The following LUZP2 variants were observed in gnomAD, a reference collection of about 807,000 sequenced individuals.
The protein encoded by LUZP2 is leucine zipper protein 2.
In LUZP2, 52 loss-of-function variants were observed where a neutral mutation model predicts 51.6. The ratio of observed to expected loss-of-function variants is 1.01; its 90% CI spans 0.81 to 1.27. LUZP2 has a LOEUF of 1.27. Ranked by LOEUF, LUZP2 falls within the 50% of genes most tolerant of loss-of-function variation. LUZP2 has a pLI of 0.00. For missense variants in LUZP2, 436 were observed against 395.4 expected (o/e 1.10, Z -0.87); for synonymous variants, 154 against 137.3 (o/e 1.12, Z -0.85).
chr11:24,575,178 G>A (rs1276600046), intron 1 of LUZP2, among the ~76,000 whole-genome samples: 1 of 151,992 alleles, frequency 6.6e-6, no homozygotes, highest in Non-Finnish European at 1.5e-5. Flanking sequence ...TTAAAGGATG[G>A]CTATATTTAA....
intron 10 of LUZP2, among the ~76,000 whole-genome samples, chr11:25,054,488 G>A (rs1318004618): frequency 6.6e-6 from 1 of 151,886 alleles, no homozygotes; most frequent in Non-Finnish European, 1.5e-5. Flanking sequence ...AATTTTTTGT[G>A]TGTGTCTGTG....
intron 9 of LUZP2, among the ~76,000 whole-genome samples, chr11:25,018,183 T>C (rs539199332): frequency 1.3e-5 from 2 of 152,276 alleles, no homozygotes; most frequent in Admixed American, 6.5e-5. Flanking sequence ...CTGAATTCAT[T>C]GATCAAATCT....
chr11:24,991,306 T>C (rs1856327712), intron 9 of LUZP2, among the ~76,000 whole-genome samples: 1 of 151,606 alleles, frequency 6.6e-6, no homozygotes, highest in Non-Finnish European at 1.5e-5. Flanking sequence ...AATTTATTCC[T>C]TGTTATGGCT....
At chr11:24,697,166 T>A (rs1471717263) in intron 1 of LUZP2, among the ~76,000 whole-genome samples, 1 of 152,152 alleles carries the variant, frequency 6.6e-6, no homozygotes, top group East Asian at 1.9e-4. Flanking sequence ...AGGAAACAAG[T>A]TAACAATTAA....
intron 5 of LUZP2, among the ~76,000 whole-genome samples, chr11:24,801,194 T>G (rs1192832474): frequency 6.6e-6 from 1 of 152,122 alleles, no homozygotes; most frequent in African/African-American, 2.4e-5. Context: ...GATAAAAGAA[T>G]TTCTACAAAT....
chr11:24,743,786 C>T (rs1441468622), intron 4 of LUZP2, among the ~76,000 whole-genome samples: 2 of 152,044 alleles, frequency 1.3e-5, no homozygotes, highest in South Asian at 2.1e-4. Context: ...AGAGGGAATG[C>T]TTTCAACTTT....
chr11:24,897,385 T>G (rs1853106695), intron 5 of LUZP2, among the ~76,000 whole-genome samples: 1 of 152,192 alleles, frequency 6.6e-6, no homozygotes, highest in Non-Finnish European at 1.5e-5. Context: ...TTTCTTTGGG[T>G]CTGCGTTGTT....
At chr11:25,024,019 T>G (rs541838864) in intron 9 of LUZP2, among the ~76,000 whole-genome samples, 2 of 152,264 alleles carry the variant, frequency 1.3e-5, no homozygotes, top group South Asian at 2.1e-4. Flanking sequence ...TAATTTCTGT[T>G]CTTTTACATC....
chr11:25,042,230 T>G (rs915960932), intron 9 of LUZP2, among the ~76,000 whole-genome samples: 7 of 150,826 alleles, frequency 4.6e-5, no homozygotes, highest in Admixed American at 2.0e-4. Context: ...TTTTTTTTAA[T>G]GGCACAAGAA....
Position 24,968,608 on chromosome 11 carries a change from G to C in LUZP2, c.523-7983G>C, listed in dbSNP as rs147766833. On this transcript the variant is annotated intron_variant, in intron 7 of 11. Coordinates refer to ENST00000336930, the MANE Select transcript of LUZP2 (RefSeq NM_001009909.4). ...TTGCCCTTGTATAATTTATTACCCTGGTATGTGTAGACCAACTCTCAGCCA... is the reference window on the plus strand; with the variant it reads ...TTGCCCTTGTATAATTTATTACCCTCGTATGTGTAGACCAACTCTCAGCCA... Among the ~76,000 whole-genome samples, 7 of 152,162 alleles carry C rather than the reference G, an allele frequency of 4.6e-5. No homozygotes were observed. In the East Asian group the frequency reaches 1.2e-3, roughly 25 times the overall value.
chr11:25,007,548 G>C (rs552664543), intron 9 of LUZP2, among the ~76,000 whole-genome samples: 1 of 151,944 alleles, frequency 6.6e-6, no homozygotes, highest in Admixed American at 6.6e-5. Context: ...GGTTGCAGTG[G>C]GCCGAGCTCA....
Position 25,080,064 on chromosome 11 carries a change from T to A in LUZP2, c.*1406T>A, listed in dbSNP as rs532774863. 1.3e-5 allele frequency: 2 copies of A among 152,342 alleles called. No individual in the cohort carries two copies. Among genetic ancestry groups the A allele is most frequent in the East Asian group, 3.9e-4 (2 of 5,182 alleles). 9.4% of individuals were successfully genotyped at this position (152,342 alleles called of 1,614,324 possible). ...TAAAAGTAATATTATGACATATTTA[T>A]GTAGCACTTCTATTTTCAGAATAGT... On this transcript the variant is annotated 3_prime_UTR_variant, in exon 12 of 12. Coordinates refer to ENST00000336930, the MANE Select transcript of LUZP2 (RefSeq NM_001009909.4).
At chr11:24,882,962 GAGAA>G (rs1199889059) in intron 5 of LUZP2, among the ~76,000 whole-genome samples, 1 of 139,608 alleles carries the variant, frequency 7.2e-6, no homozygotes, top group Non-Finnish European at 1.5e-5. Flanking sequence ...AAGAAAGAAA[GAGAA>G]AGAAAGATGG....
Position 24,656,231 on chromosome 11 carries a change from C to T in LUZP2, c.63-72938C>T, listed in dbSNP as rs189345783. Among the ~76,000 whole-genome samples the T allele has an allele frequency of 1.1e-3, 160 of 152,208 alleles. 1 individual carries two copies. Among genetic ancestry groups the T allele is most frequent in the African/African-American group, 3.7e-3 (153 of 41,534 alleles). On this transcript the variant is annotated intron_variant, in intron 1 of 11. Coordinates refer to ENST00000336930, the MANE Select transcript of LUZP2 (RefSeq NM_001009909.4). ...TACATTGTCAAGTATTTACTGGTTA[C>T]TAGATAATGTCAAAACAAGTATCTC...
chr11:24,747,678 G>T (rs1859429689), intron 4 of LUZP2, among the ~76,000 whole-genome samples: 1 of 152,080 alleles, frequency 6.6e-6, no homozygotes, highest in African/African-American at 2.4e-5. Context: ...CCATCAGGTT[G>T]CTGCAGGGCT....
Position 24,682,967 on chromosome 11 carries a change from C to A in LUZP2, c.63-46202C>A, listed in dbSNP as rs140655366. On this transcript the variant is annotated intron_variant, in intron 1 of 11. Transcript: ENST00000336930. Reference sequence around the variant, plus strand: ...TGCAGTGAGCCGAGATCAGCTTGGGCGACAGAGTGAGGCTGTCTCAAAGAA... The same window carrying A: ...TGCAGTGAGCCGAGATCAGCTTGGGAGACAGAGTGAGGCTGTCTCAAAGAA... Among the ~76,000 whole-genome samples the A allele has an allele frequency of 2.0e-5, 3 of 151,890 alleles. No homozygotes were observed. The South Asian group carries it at 6.2e-4, about 32-fold the overall frequency.
intron 6 of LUZP2, among the ~76,000 whole-genome samples, chr11:24,909,507 A>C (rs1296941283): frequency 2.0e-5 from 3 of 151,886 alleles, no homozygotes; most frequent in Admixed American, 6.6e-5. Flanking sequence ...AGGGAAAAAA[A>C]AAAAACAAAA....
intron 1 of LUZP2, among the ~76,000 whole-genome samples, chr11:24,684,627 T>C (rs1216639561): frequency 1.3e-5 from 2 of 152,168 alleles, no homozygotes; most frequent in Admixed American, 1.3e-4. Flanking sequence ...CAGATAGAAA[T>C]TGGAGGGAAA....
chr11:24,839,104 C>T (rs980935647), intron 5 of LUZP2, among the ~76,000 whole-genome samples: 1 of 151,610 alleles, frequency 6.6e-6, no homozygotes, highest in Admixed American at 6.6e-5. Context: ...TACTCATGAG[C>T]ATTTTTCCCA....
Sources: allele counts gnomAD v4.1 joint callset (sites outside exome capture counted in the v4.1 genomes callset), GRCh38; gene constraint gnomAD v4.1.1; transcripts MANE v1.5; gene names NCBI Gene and HGNC (gene_info 2026-07-23, HGNC 2026-07-21).